The following TTLL1 variants were observed in gnomAD, a reference collection of about 807,000 sequenced individuals.
TTLL1 encodes polyglutamylase complex subunit TTLL1.
Under a neutral mutation model 47.8 loss-of-function variants are expected in TTLL1, and 33 were observed. That is an observed-to-expected ratio of 0.69 (90% CI 0.52 to 0.92). The LOEUF is 0.92. Among genes scored for constraint, TTLL1 ranks in the 40% least tolerant of loss-of-function variants. The pLI is 0.00. For missense variants in TTLL1, 488 were observed against 547.5 expected (o/e 0.89, Z 1.08); for synonymous variants, 225 against 214.1 (o/e 1.05, Z -0.45).
Position 43,039,655 on chromosome 22 carries a change from T to G in TTLL1, c.*121A>C. On this transcript the variant is annotated 3_prime_UTR_variant, in exon 11 of 11. Transcript: ENST00000266254. ...CAGACTCCATAACCTTCCAAAGAAG[T>G]GCCTTCGTTTATTTACAGGGCTTAG... 2 of 1,281,752 alleles carry G rather than the reference T, an allele frequency of 1.6e-6. No individual in the cohort carries two copies. Among genetic ancestry groups the G allele is most frequent in the South Asian group, 2.0e-5 (1 of 50,692 alleles). The allele number at this position is 1,281,752 out of a possible 1,614,324, so 79.4% of individuals were successfully genotyped here.
intron 1 of TTLL1, among the ~76,000 whole-genome samples, chr22:43,080,912 T>G: frequency 1.7e-5 from 1 of 57,310 alleles, no homozygotes; most frequent in African/African-American, 7.6e-5. Flanking sequence ...CTTTTTTTTT[T>G]TTTTTTTTTT....
intron 6 of TTLL1, 74 bp downstream of exon 6, chr22:43,064,116 C>T: frequency 6.4e-7 from 1 of 1,574,498 alleles, no homozygotes; most frequent in Admixed American, 1.9e-5. Flanking sequence ...TGAAACCTCA[C>T]AATGGTGCTA....
At chr22:43,073,208 G>A (rs1928243734) in intron 3 of TTLL1, among the ~76,000 whole-genome samples, 1 of 151,390 alleles carries the variant, frequency 6.6e-6, no homozygotes, top group Non-Finnish European at 1.5e-5. Context: ...TAGAGACAGG[G>A]TTTCACCATG....
chr22:43,071,503 A>T (rs943659853), intron 3 of TTLL1, among the ~76,000 whole-genome samples: 1 of 152,066 alleles, frequency 6.6e-6, no homozygotes, highest in Non-Finnish European at 1.5e-5. Context: ...TCTGCCTCGC[A>T]GGTTCGAGCC....
At position 43,046,520 on chromosome 22, in the gene TTLL1, C is replaced by T. The variant is rs750192247; in HGVS notation, c.1032G>A (p.Lys344=). 3 of 1,614,004 alleles carry T rather than the reference C, an allele frequency of 1.9e-6. No individual in the cohort carries two copies. The highest frequency in any genetic ancestry group is 1.7e-5 in the Admixed American group (1 of 59,964). ...TSSTANDRIL[K]YNLINDTLNI... ...TGAGGGTGTCATTAATCAGGTTGTA[C>T]TTGAGGATTCGGTCATTGGCAGTGC... is the stretch of plus-strand genomic sequence containing the variant. Residue 344 remains lysine, a synonymous_variant, in exon 10 of 11, where the codon AAG becomes AAA. Transcript: ENST00000266254.
At chr22:43,064,465 C>G (rs1346604767) in intron 5 of TTLL1, 141 bp from the exon 6 acceptor site, 10 of 965,882 alleles carry the variant, frequency 1.0e-5, no homozygotes, top group Non-Finnish European at 1.5e-5. Context: ...GTGGCTCACG[C>G]CTGTAATCCC....
At chr22:43,064,430 A>G in intron 5 of TTLL1, 106 bp from the exon 6 acceptor site, 1 of 1,380,688 alleles carries the variant, frequency 7.2e-7, no homozygotes, top group African/African-American at 1.5e-5. Context: ...AAAATTAAAA[A>G]ATTAAAGAGT....
intron 7 of TTLL1, among the ~76,000 whole-genome samples, chr22:43,060,092 G>C (rs1290062529): frequency 1.3e-5 from 2 of 152,074 alleles, no homozygotes; most frequent in Admixed American, 6.5e-5. Context: ...GCACGATCTC[G>C]GCTTACTGCA....
Position 43,089,295 on chromosome 22 carries a change from G to T in TTLL1, c.-108C>A, listed in dbSNP as rs1929458654. The T allele has an allele frequency of 6.6e-6, 1 of 152,226 alleles. No individual in the cohort carries two copies. Among genetic ancestry groups the T allele is most frequent in the African/African-American group, 2.4e-5 (1 of 41,442 alleles). 9.4% of individuals were successfully genotyped at this position (152,226 alleles called of 1,614,324 possible). ...ACCTCACCTGTGGGCTCAGAGCGCC[G>T]AGGGACTCGGAGGAGCGCCCTGCAG... On this transcript the variant is annotated 5_prime_UTR_variant, in exon 1 of 11. Transcript: ENST00000266254.
intron 3 of TTLL1, among the ~76,000 whole-genome samples, chr22:43,073,183 T>G (rs928820492): frequency 6.6e-6 from 1 of 151,502 alleles, no homozygotes; most frequent in Non-Finnish European, 1.5e-5. Context: ...GCCCAGCTAA[T>G]TTTTGTATTT....
chr22:43,068,013 G>A (rs1416679033), intron 5 of TTLL1, among the ~76,000 whole-genome samples: 1 of 134,578 alleles, frequency 7.4e-6, no homozygotes, highest in East Asian at 2.2e-4. Flanking sequence ...ATGGAGTTTC[G>A]CCATCTTGGC....
chr22:43,041,766 T>G (rs1174964035), intron 10 of TTLL1, among the ~76,000 whole-genome samples: 2 of 152,114 alleles, frequency 1.3e-5, no homozygotes, highest in East Asian at 3.9e-4. Flanking sequence ...TCTTCCTGCC[T>G]CGGTCTCCCA....
intron 9 of TTLL1, 106 bp from the exon 10 acceptor site, chr22:43,046,679 T>G: frequency 7.4e-7 from 1 of 1,355,910 alleles, no homozygotes; most frequent in South Asian, 1.4e-5. Context: ...TTAGTGAAGT[T>G]TTTTTTTGAG....
At chr22:43,054,135 T>C (rs2146967601) in intron 8 of TTLL1, among the ~76,000 whole-genome samples, 1 of 152,284 alleles carries the variant, frequency 6.6e-6, no homozygotes, top group Admixed American at 6.5e-5. Flanking sequence ...TGTCGGGATA[T>C]GGTGGGGCCT....
intron 5 of TTLL1, among the ~76,000 whole-genome samples, chr22:43,067,970 AT>A (rs528981760): frequency 0.21 from 26,785 of 129,528 alleles, 4,010 homozygotes; most frequent in East Asian, 0.67. Context: ...CACCTGGCTA[AT>A]TTTTTTTTTT....
chr22:43,074,924 C>T (rs1207725652), intron 3 of TTLL1, among the ~76,000 whole-genome samples: 1 of 151,974 alleles, frequency 6.6e-6, no homozygotes, highest in African/African-American at 2.4e-5. Context: ...ACCTGTAATC[C>T]CAGCACTTTG....
intron 8 of TTLL1, among the ~76,000 whole-genome samples, chr22:43,055,970 C>T (rs1037214731): frequency 1.1e-4 from 17 of 152,008 alleles, no homozygotes; most frequent in Middle Eastern, 6.8e-3. Context: ...GTCTCGAATT[C>T]CTGGGTTCAA....
At chr22:43,071,816 G>A (rs939748293) in intron 3 of TTLL1, among the ~76,000 whole-genome samples, 9 of 152,230 alleles carry the variant, frequency 5.9e-5, no homozygotes, top group Admixed American at 4.6e-4. Context: ...AGAGCCAGCC[G>A]ATGGGATGAG....
intron 3 of TTLL1, among the ~76,000 whole-genome samples, chr22:43,073,641 C>T (rs751783611): frequency 1.3e-5 from 2 of 151,522 alleles, no homozygotes; most frequent in South Asian, 4.2e-4. Context: ...CAGGCATGAG[C>T]CGCTGTGCCC....
Sources: gnomAD v4.1 joint callset for allele counts (sites outside exome capture counted in the v4.1 genomes callset) on GRCh38, gnomAD v4.1.1 for gene constraint, MANE v1.5 for transcripts, NCBI Gene and HGNC (gene_info 2026-07-23, HGNC 2026-07-21) for gene names.